The following LRP2 variants were observed in gnomAD, a reference collection of about 807,000 sequenced individuals.
LRP2 encodes LDL receptor related protein 2, also known as low-density lipoprotein receptor-related protein 2.
LRP2 carries 172 observed loss-of-function variants against 531.0 expected under a neutral mutation model. That is an observed-to-expected ratio of 0.32 (90% confidence interval 0.29 to 0.37). The LOEUF (loss-of-function observed/expected upper bound fraction) is 0.37. Among genes scored for constraint, LRP2 ranks in the 10% least tolerant of loss-of-function variants. The pLI, the probability that LRP2 is intolerant of heterozygous loss-of-function variation, is 1.00. For synonymous variants in LRP2, 1,992 were observed against 2,027.6 expected (o/e 0.98, Z 0.47); for missense variants, 5,167 against 5,868.3 (o/e 0.88, Z 3.90).
chr2:169,198,526 TG>T (rs1249857634), intron 45 of LRP2, among the ~76,000 whole-genome samples: 1 of 152,198 alleles, frequency 6.6e-6, no homozygotes, highest in African/African-American at 2.4e-5. Flanking sequence ...CTTTCAACAC[TG>T]GGAGAAATGG....
At position 169,170,628 on chromosome 2, in the gene LRP2, T is replaced by C. The variant is rs150553333; in HGVS notation, c.11303A>G (p.Asn3768Ser). Residue 3768 changes from asparagine (N) to serine (S), a missense_variant, in exon 59 of 79, where the codon AAT becomes AGT. Asn to Ser is a conservative substitution (Grantham distance 46). Around this residue, in one of 6 missense-constraint regions of LRP2, gnomAD observed 564 missense variants for 747.7 expected, o/e 0.75. Transcript: ENST00000649046. ...ECTESEFRCV[N>S]QQCIPSRWIC... ...CCATCGCGAGGGAATGCACTGCTGA[T>C]TGACACATCGAAACTCGCTCTCTGT... is the stretch of plus-strand genomic sequence containing the variant. The C allele has an allele frequency of 3.1e-6, 5 of 1,614,140 alleles. No homozygotes were observed. In the African/African-American group the frequency reaches 4.0e-5, roughly 13 times the overall value.
intron 4 of LRP2, among the ~76,000 whole-genome samples, chr2:169,307,024 G>A (rs1030341134): frequency 6.6e-6 from 1 of 152,096 alleles, no homozygotes; most frequent in Non-Finnish European, 1.5e-5. Context: ...CAGAATCTAT[G>A]TTCATGTTAA....
At chr2:169,263,801 G>A (rs1168132569) in intron 16 of LRP2, among the ~76,000 whole-genome samples, 5 of 152,060 alleles carry the variant, frequency 3.3e-5, no homozygotes, top group Non-Finnish European at 7.4e-5. Context: ...GCACACGTAT[G>A]TTTATTGCGG....
At chr2:169,168,511 C>G in intron 61 of LRP2, 28 bp downstream of exon 61, 1 of 1,613,732 alleles carries the variant, frequency 6.2e-7, no homozygotes, top group East Asian at 2.2e-5. Context: ...AACACCACTC[C>G]CATTCACTCC....
intron 24 of LRP2, among the ~76,000 whole-genome samples, chr2:169,242,190 T>TTC (rs1378640222): frequency 2.0e-5 from 3 of 151,994 alleles, no homozygotes; most frequent in African/African-American, 7.3e-5. Flanking sequence ...AAAACTTACT[T>TTC]TTTTGGTCTA....
In LRP2 at chr2:169,162,516, T is replaced by A; in HGVS notation, c.11843A>T (p.Asp3948Val). The change falls in exon 63 of 79, where the codon GAT (aspartate) becomes GTT (valine). Residue 3948 changes from aspartate (D) to valine (V), a missense_variant. Around this residue, in one of 6 missense-constraint regions of LRP2, gnomAD observed 564 missense variants for 747.7 expected, o/e 0.75. Coordinates refer to ENST00000649046, the MANE Select transcript of LRP2 (RefSeq NM_004525.3). ...GHCIPHDNVC[D>V]DADDCGDWSD... Reference sequence around the variant, plus strand: ...CCAGTCACCACAGTCATCGGCATCATCACACACATTGTCATGTGGAATGCA... The same window carrying A: ...CCAGTCACCACAGTCATCGGCATCAACACACACATTGTCATGTGGAATGCA... 1 of 1,614,196 alleles carries A rather than the reference T, an allele frequency of 6.2e-7. No homozygotes were observed. The highest frequency in any genetic ancestry group is 8.5e-7 in the Non-Finnish European group (1 of 1,179,992).
chr2:169,151,132 C>CATATCA, intron 67 of LRP2, 106 bp from the exon 68 acceptor site: 1 of 1,118,006 alleles, frequency 8.9e-7, no homozygotes, highest in Admixed American at 1.7e-5. Context: ...GAGACAGCTG[C>CATATCA]TCAGATACCT....
At chr2:169,142,520 C>A (rs1020746137) in intron 71 of LRP2, among the ~76,000 whole-genome samples, 154 bp downstream of exon 71, 14 of 152,214 alleles carry the variant, frequency 9.2e-5, no homozygotes, top group African/African-American at 2.9e-4. Flanking sequence ...CTAAGTCCCA[C>A]TCAACTCTGT....
intron 74 of LRP2, 90 bp from the exon 75 acceptor site, chr2:169,138,796 C>T: frequency 7.1e-7 from 1 of 1,411,934 alleles, no homozygotes; most frequent in Non-Finnish European, 9.9e-7. Flanking sequence ...GTACCCTCTC[C>T]TCCACATTGC....
intron 10 of LRP2, among the ~76,000 whole-genome samples, chr2:169,281,547 C>T (rs1267022311): frequency 1.3e-5 from 2 of 151,498 alleles, no homozygotes; most frequent in Non-Finnish European, 2.9e-5. Flanking sequence ...GATGAAACCC[C>T]GTCTCTACTA....
chr2:169,202,872 T>A lies in LRP2; in HGVS notation c.8093A>T (p.Glu2698Val), dbSNP rs1300925714. ...GGTGAAGGAAGATGCACCACATCGTTCACCATTGTCCACAATGCAGTGCTT... is the reference window on the plus strand; with the variant it reads ...GGTGAAGGAAGATGCACCACATCGTACACCATTGTCCACAATGCAGTGCTT... ...NRKHCIVDNG[E>V]RCGASSFTCS... is the part of the protein sequence containing the mutation. Residue 2698 changes from glutamate (E) to valine (V), a missense_variant, in exon 43 of 79, where the codon GAA (glutamate) becomes GTA (valine). Physicochemically the swap from Glu to Val is moderately radical, Grantham distance 121. Around this residue, in one of 6 missense-constraint regions of LRP2, gnomAD observed 1,129 missense variants for 1,362.7 expected, o/e 0.83. Coordinates refer to ENST00000649046, the MANE Select transcript of LRP2 (RefSeq NM_004525.3). The A allele has an allele frequency of 6.2e-7, 1 of 1,614,082 alleles. No homozygotes were observed. The highest frequency in any genetic ancestry group is 1.1e-5 in the South Asian group (1 of 91,086).
chr2:169,300,007 G>T (rs775268362), intron 4 of LRP2, among the ~76,000 whole-genome samples: 15 of 152,072 alleles, frequency 9.9e-5, no homozygotes, highest in Non-Finnish European at 1.9e-4. Context: ...ATTCTCTTGT[G>T]CTCAACATGT....
At chr2:169,150,769 A>G (rs150733503) in intron 68 of LRP2, 129 bp downstream of exon 68, 7 of 1,040,554 alleles carry the variant, frequency 6.7e-6, no homozygotes, top group African/African-American at 1.6e-5. Flanking sequence ...AAACAGTCAT[A>G]GACGCTACTC....
At chr2:169,341,164 G>C (rs1172176646) in intron 1 of LRP2, among the ~76,000 whole-genome samples, 1 of 152,028 alleles carries the variant, frequency 6.6e-6, no homozygotes, top group Non-Finnish European at 1.5e-5. Flanking sequence ...TGAGGGGAGG[G>C]GACGCCTCAC....
intron 48 of LRP2, 39 bp downstream of exon 48, chr2:169,191,793 T>C (rs776220868): frequency 4.4e-6 from 7 of 1,580,174 alleles, no homozygotes; most frequent in Non-Finnish European, 5.2e-6. Context: ...CCCATGGACA[T>C]TTGAGGCATG....
intron 3 of LRP2, among the ~76,000 whole-genome samples, chr2:169,309,614 T>G (rs1375116038): frequency 6.6e-6 from 1 of 152,194 alleles, no homozygotes; most frequent in Non-Finnish European, 1.5e-5. Context: ...CCATGCTGTT[T>G]TGGTTACTGT....
At chr2:169,174,489 G>A (rs1687116254) in intron 55 of LRP2, among the ~76,000 whole-genome samples, 1 of 152,146 alleles carries the variant, frequency 6.6e-6, no homozygotes, top group Admixed American at 6.5e-5. Flanking sequence ...TTATTGATGT[G>A]TTGTTTTTAG....
chr2:169,354,955 A>G (rs1248791243), intron 1 of LRP2, among the ~76,000 whole-genome samples: 2 of 152,222 alleles, frequency 1.3e-5, no homozygotes, highest in African/African-American at 4.8e-5. Context: ...GAAAACAGAC[A>G]AACTCTTAGG....
intron 72 of LRP2, 151 bp from the exon 73 acceptor site, chr2:169,139,761 C>T (rs577093104): frequency 1.3e-6 from 1 of 741,540 alleles, no homozygotes; most frequent in East Asian, 2.6e-5. Flanking sequence ...GTTCATTCTG[C>T]CAAGAGAAGA....
Sources: allele counts gnomAD v4.1 joint callset (sites outside exome capture counted in the v4.1 genomes callset), GRCh38; gene constraint gnomAD v4.1.1; regional missense constraint gnomAD v4.1.1; transcripts MANE v1.5; gene names NCBI Gene and HGNC (gene_info 2026-07-23, HGNC 2026-07-21).